Variants in DAAM2 observed in about 807,000 individuals in gnomAD.
DAAM2 encodes dishevelled associated activator of morphogenesis 2.
In DAAM2, 39 loss-of-function variants were observed where a neutral mutation model predicts 120.7. The ratio of observed to expected loss-of-function variants is 0.32; its 90% CI spans 0.25 to 0.42. The LOEUF is 0.42. DAAM2 is among the 10% of genes least tolerant of loss of function. DAAM2 has a pLI of 1.00. For missense variants in DAAM2, 1,283 were observed against 1,401.7 expected, an observed-to-expected ratio of 0.92 and a Z score of 1.35; for synonymous variants, 488 against 524.9, an observed-to-expected ratio of 0.93 and a Z score of 0.96.
Position 39,805,566 on chromosome 6 carries a change from T to TA in DAAM2, c.-57+13101_-57+13102insA, listed in dbSNP as rs539824390. ...GAAGTATCCTAAGGTTATTTTTTTT[T>TA]TTTTTTGAGACAGAGTCTCGCTCTG... On this transcript the variant is annotated intron_variant, in intron 1 of 24. Coordinates refer to ENST00000274867, the MANE Select transcript of DAAM2 (RefSeq NM_001201427.2). 2.8e-3 allele frequency among the ~76,000 whole-genome samples: 431 copies of TA among 151,864 alleles called. 3 individuals carry two copies. The highest frequency in any genetic ancestry group is 9.5e-3 in the African/African-American group (395 of 41,400).
chr6:39,879,217 C>G lies in DAAM2; in HGVS notation c.1585C>G (p.Leu529Val). 1 of 1,550,304 alleles carries G rather than the reference C, an allele frequency of 6.5e-7. No individual in the cohort carries two copies. The highest frequency in any genetic ancestry group is 8.7e-7 in the Non-Finnish European group (1 of 1,146,270). ...VSSPPPPGGP[L>V]TLSSSMTTND... is the part of the protein sequence containing the mutation. ...TTCCCCACCACCCCCTGGGGGCCCACTCACCTTGTCTTCCTCAATGACAAC... is the reference window on the plus strand; with the variant it reads ...TTCCCCACCACCCCCTGGGGGCCCAGTCACCTTGTCTTCCTCAATGACAAC... The change falls in exon 14 of 25, where the codon CTC becomes GTC. Residue 529 changes from leucine to valine, a missense_variant. Leu to Val is a conservative substitution (Grantham distance 32, BLOSUM62 1). Coordinates refer to ENST00000274867, the MANE Select transcript of DAAM2 (RefSeq NM_001201427.2).
At chr6:39,847,161 G>C (rs557855576) in intron 1 of DAAM2, among the ~76,000 whole-genome samples, 1 of 152,350 alleles carries the variant, frequency 6.6e-6, no homozygotes, top group Admixed American at 6.5e-5. Flanking sequence ...TTCTAGGGCA[G>C]AGTTGGCCTG....
At chr6:39,875,913 C>T (rs1046888904) in intron 11 of DAAM2, among the ~76,000 whole-genome samples, 2 of 152,220 alleles carry the variant, frequency 1.3e-5, no homozygotes, top group Admixed American at 6.5e-5. Context: ...TGACTCCAGT[C>T]CTCCAGCTTA....
chr6:39,846,980 C>G (rs13211640), intron 1 of DAAM2, among the ~76,000 whole-genome samples: 6 of 152,210 alleles, frequency 3.9e-5, no homozygotes, highest in African/African-American at 2.4e-5. Flanking sequence ...CATCCTACCC[C>G]CTAGTTACTG....
intron 9 of DAAM2, 134 bp downstream of exon 9, chr6:39,871,706 G>C: frequency 1.5e-6 from 1 of 684,668 alleles, no homozygotes; most frequent in East Asian, 2.7e-5. Flanking sequence ...CCCATGGCCA[G>C]GTCCTGTGAT....
intron 1 of DAAM2, among the ~76,000 whole-genome samples, chr6:39,825,568 A>T (rs1762643840): frequency 6.6e-6 from 1 of 152,104 alleles, no homozygotes; most frequent in Non-Finnish European, 1.5e-5. Context: ...ATTCACTCAC[A>T]GAATCACCCT....
intron 1 of DAAM2, among the ~76,000 whole-genome samples, chr6:39,818,343 G>C (rs926129081): frequency 3.9e-5 from 6 of 152,240 alleles, no homozygotes; most frequent in South Asian, 4.1e-4. Flanking sequence ...CAAGGACCCA[G>C]GAAGTACCAT....
intron 1 of DAAM2, among the ~76,000 whole-genome samples, chr6:39,798,440 T>C (rs1761763754): frequency 6.6e-6 from 1 of 152,138 alleles, no homozygotes; most frequent in African/African-American, 2.4e-5. Flanking sequence ...AGTCAAAATC[T>C]AAATCCAGTA....
intron 19 of DAAM2, among the ~76,000 whole-genome samples, chr6:39,891,955 G>A (rs1765750978): frequency 6.6e-6 from 1 of 152,222 alleles, no homozygotes; most frequent in Non-Finnish European, 1.5e-5. Flanking sequence ...CAGCATGCAA[G>A]CTCTCCAAGG....
At chr6:39,887,374 C>T (rs1406223239) in intron 15 of DAAM2, 112 bp from the exon 16 acceptor site, 14 of 682,698 alleles carry the variant, frequency 2.1e-5, no homozygotes, top group Non-Finnish European at 3.6e-5. Flanking sequence ...CTTCCCCCTT[C>T]CCCTCACACC....
intron 16 of DAAM2, chr6:39,888,044 C>T (rs1054549334): frequency 1.2e-5 from 2 of 163,090 alleles, no homozygotes; most frequent in African/African-American, 4.8e-5. Flanking sequence ...ATCCTCCTCC[C>T]TTTCTTCTCA....
chr6:39,808,884 C>T (rs1225844544), intron 1 of DAAM2, among the ~76,000 whole-genome samples: 1 of 152,192 alleles, frequency 6.6e-6, no homozygotes, highest in African/African-American at 2.4e-5. Flanking sequence ...GTGTAATTCA[C>T]CTTAATTAAA....
chr6:39,850,982 C>G (rs145609713), intron 1 of DAAM2, among the ~76,000 whole-genome samples: 435 of 152,298 alleles, frequency 2.9e-3, no homozygotes, highest in Middle Eastern at 6.8e-3. Flanking sequence ...AGTCCTAGCT[C>G]TATCTCTTAG....
intron 8 of DAAM2, 57 bp from the exon 9 acceptor site, chr6:39,871,449 A>G (rs1764657546): frequency 6.7e-7 from 1 of 1,496,492 alleles, no homozygotes; most frequent in Non-Finnish European, 9.1e-7. Flanking sequence ...GTAACCCTCA[A>G]CCAAGGGTGT....
chr6:39,840,174 C>T (rs958580785), intron 1 of DAAM2, among the ~76,000 whole-genome samples: 8 of 152,098 alleles, frequency 5.3e-5, no homozygotes, highest in African/African-American at 1.2e-4. Flanking sequence ...TTGCAGTGAG[C>T]GAAGATCGCA....
chr6:39,870,490 C>A (rs1295152581), intron 8 of DAAM2, 47 bp downstream of exon 8: 2 of 1,229,248 alleles, frequency 1.6e-6, no homozygotes, highest in South Asian at 1.3e-5. Flanking sequence ...GGGGACAGTG[C>A]CTCAGATGGG....
intron 17 of DAAM2, chr6:39,889,079 C>T (rs1303841078): frequency 5.0e-6 from 1 of 200,072 alleles, no homozygotes; most frequent in East Asian, 1.1e-4. Context: ...AAAGAAACAT[C>T]ATCAATTGGA....
intron 1 of DAAM2, among the ~76,000 whole-genome samples, chr6:39,850,580 C>T (rs1255339404): frequency 1.3e-5 from 2 of 152,178 alleles, no homozygotes; most frequent in African/African-American, 4.8e-5. Flanking sequence ...TTGAATGAGA[C>T]ACTACTGTCC....
At chr6:39,852,601 C>A (rs1763849151) in intron 1 of DAAM2, among the ~76,000 whole-genome samples, 1 of 152,216 alleles carries the variant, frequency 6.6e-6, no homozygotes, top group South Asian at 2.1e-4. Context: ...CAGGGTGGCG[C>A]TTCCTCTAGT....
Sources: allele counts gnomAD v4.1 joint callset (sites outside exome capture counted in the v4.1 genomes callset), GRCh38; gene constraint gnomAD v4.1.1; transcripts MANE v1.5; gene names NCBI Gene and HGNC (gene_info 2026-07-23, HGNC 2026-07-21).